VPS13B: variants seen among roughly 807,000 people sequenced by gnomAD.
VPS13B encodes the protein intermembrane lipid transfer protein VPS13B.
VPS13B carries 285 observed loss-of-function variants against 426.4 expected under a neutral mutation model. That is an observed-to-expected ratio of 0.67 (90% CI 0.61 to 0.74). The LOEUF (loss-of-function observed/expected upper bound fraction) is 0.74. VPS13B is among the 30% of genes least tolerant of loss of function. The pLI, the probability that VPS13B is intolerant of heterozygous loss-of-function variation, is 0.00. For synonymous variants in VPS13B, 1,676 were observed against 1,676.4 expected, an observed-to-expected ratio of 1.00 and a Z score of 0.01; for missense variants, 4,537 against 4,782.6, an observed-to-expected ratio of 0.95 and a Z score of 1.51.
intron 7 of VPS13B, among the ~76,000 whole-genome samples, chr8:99,117,753 C>G (rs990257376): frequency 6.6e-6 from 1 of 152,046 alleles, no homozygotes; most frequent in Admixed American, 6.6e-5. Flanking sequence ...TCTGTAGAGG[C>G]AGGAAGTAGA....
chr8:99,384,179 T>A, intron 19 of VPS13B, 29 bp from the exon 20 acceptor site: 1 of 1,563,816 alleles, frequency 6.4e-7, no homozygotes, highest in East Asian at 2.2e-5. Flanking sequence ...TGAGGACTTA[T>A]GTAACAGTTT....
Position 99,821,513 on chromosome 8 carries a change from A to G in VPS13B, c.9183+31A>G, listed in dbSNP as rs762724107. 18 of 1,612,254 alleles carry G rather than the reference A, an allele frequency of 1.1e-5. No individual in the cohort carries two copies. In the African/African-American group the frequency reaches 2.4e-4, roughly 22 times the overall value. Reference sequence around the variant, plus strand: ...ATCAAAGTCTATGTGGCTGGGAGGAAATAGCATGCCATCCCCTTAACCTGT... The same window carrying G: ...ATCAAAGTCTATGTGGCTGGGAGGAGATAGCATGCCATCCCCTTAACCTGT... On this transcript the variant is annotated intron_variant, in intron 50 of 61. Coordinates refer to ENST00000357162, the MANE Select transcript of VPS13B (RefSeq NM_152564.5).
At chr8:99,459,454 T>C (rs1192337818) in intron 23 of VPS13B, among the ~76,000 whole-genome samples, 1 of 152,174 alleles carries the variant, frequency 6.6e-6, no homozygotes, top group African/African-American at 2.4e-5. Flanking sequence ...AATTTCCTTG[T>C]TGTGCAAACA....
chr8:99,770,738 A>G (rs1438495271), intron 40 of VPS13B, among the ~76,000 whole-genome samples: 1 of 152,204 alleles, frequency 6.6e-6, no homozygotes, highest in Non-Finnish European at 1.5e-5. Flanking sequence ...GGTACCTCCC[A>G]CTGACTGAAT....
At chr8:99,486,861 G>A (rs953712298) in intron 25 of VPS13B, among the ~76,000 whole-genome samples, 1 of 151,964 alleles carries the variant, frequency 6.6e-6, no homozygotes, top group African/African-American at 2.4e-5. Context: ...TTCAAGTTTT[G>A]CTATCGTATT....
chr8:99,396,470 A>G (rs1374685776), intron 21 of VPS13B, among the ~76,000 whole-genome samples: 2 of 152,226 alleles, frequency 1.3e-5, no homozygotes, highest in Non-Finnish European at 2.9e-5. Flanking sequence ...CTGCCAGAGT[A>G]TAGGCACTTT....
At chr8:99,653,894 A>C (rs1456306513) in intron 34 of VPS13B, among the ~76,000 whole-genome samples, 1 of 152,102 alleles carries the variant, frequency 6.6e-6, no homozygotes, top group East Asian at 1.9e-4. Context: ...ATCGCAGAGC[A>C]TGTGAAATAC....
chr8:99,203,917 GA>G (rs1268101790), intron 17 of VPS13B, among the ~76,000 whole-genome samples: 1 of 152,146 alleles, frequency 6.6e-6, no homozygotes, highest in East Asian at 1.9e-4. Flanking sequence ...TCAATATCGT[GA>G]AAATGGCCAT....
At chr8:99,381,493 A>G (rs1333269660) in intron 19 of VPS13B, among the ~76,000 whole-genome samples, 2 of 152,180 alleles carry the variant, frequency 1.3e-5, no homozygotes, top group Non-Finnish European at 2.9e-5. Flanking sequence ...TGTTTTCCAC[A>G]ATGGTTGAAC....
In VPS13B at chr8:99,727,809, T is replaced by C. The variant is rs112258406; in HGVS notation, c.7050+6762T>C. On this transcript the variant is annotated intron_variant, in intron 39 of 61. Coordinates refer to ENST00000357162, the MANE Select transcript of VPS13B (RefSeq NM_152564.5). ...TCCTTTAGGAAGATGACTAGTCAGC[T>C]CTGGAGCCCAGGAGGGTCACAGAAA... Among the ~76,000 whole-genome samples the C allele has an allele frequency of 3.8e-3, 581 of 152,318 alleles. 5 individuals are homozygous for C. Among genetic ancestry groups the C allele is most frequent in the African/African-American group, 0.012 (517 of 41,570 alleles).
intron 56 of VPS13B, among the ~76,000 whole-genome samples, chr8:99,854,697 C>A (rs1212607969): frequency 1.3e-5 from 2 of 152,166 alleles, no homozygotes; most frequent in Non-Finnish European, 2.9e-5. Context: ...GGTCTTCAGT[C>A]CCTCGGCCTA....
intron 19 of VPS13B, among the ~76,000 whole-genome samples, chr8:99,352,153 T>C (rs1210328945): frequency 6.6e-6 from 1 of 152,252 alleles, no homozygotes; most frequent in Non-Finnish European, 1.5e-5. Context: ...GGAAATAGAG[T>C]GGAAGCTACC....
At chr8:99,058,150 T>C (rs530648996) in intron 3 of VPS13B, among the ~76,000 whole-genome samples, 21 of 152,190 alleles carry the variant, frequency 1.4e-4, no homozygotes, top group African/African-American at 3.9e-4. Flanking sequence ...ATGATTTACT[T>C]TTTTCACCCT....
At chr8:99,295,563 A>G (rs1819987543) in intron 19 of VPS13B, among the ~76,000 whole-genome samples, 1 of 152,210 alleles carries the variant, frequency 6.6e-6, no homozygotes, top group African/African-American at 2.4e-5. Context: ...GGACTACCTT[A>G]AATATTCTCA....
rs369450075 is a variant in VPS13B at position 99,397,279 on chromosome 8, G to T, written c.3082+5575G>T. Among the ~76,000 whole-genome samples the T allele has an allele frequency of 6.8e-4, 104 of 152,202 alleles. 1 individual carries two copies. The South Asian group carries it at 0.022, about 32-fold the overall frequency. ...TCCTGCCTCAGCCTCTTGAGTAGCT[G>T]GGACTACAGGCACGTGCCACATGCC... is the stretch of plus-strand genomic sequence containing the variant. On this transcript the variant is annotated intron_variant, in intron 21 of 61. Coordinates refer to ENST00000357162, the MANE Select transcript of VPS13B (RefSeq NM_152564.5).
At chr8:99,347,932 T>A (rs1305973927) in intron 19 of VPS13B, 1 of 152,396 alleles carries the variant, frequency 6.6e-6, no homozygotes, top group Non-Finnish European at 1.5e-5. Context: ...ACCTTTCTTT[T>A]CCCTGAGCTG....
At chr8:99,773,823 G>A (rs989545910) in intron 40 of VPS13B, among the ~76,000 whole-genome samples, 1 of 151,998 alleles carries the variant, frequency 6.6e-6, no homozygotes, top group Non-Finnish European at 1.5e-5. Flanking sequence ...TGGGAAAAGG[G>A]GAAATATTGA....
chr8:99,457,760 A>G (rs1818567023), intron 23 of VPS13B, among the ~76,000 whole-genome samples: 1 of 152,152 alleles, frequency 6.6e-6, no homozygotes, highest in African/African-American at 2.4e-5. Flanking sequence ...CTGAAGCTGC[A>G]TCCCAGAAAT....
In VPS13B at chr8:99,391,644, C is replaced by T. The variant is rs567092790; in HGVS notation, c.3022C>T (p.Gln1008Ter). 6.8e-6 allele frequency: 11 copies of T among 1,614,170 alleles called. No homozygotes were observed. Among genetic ancestry groups the T allele is most frequent in the African/African-American group, 2.7e-5 (2 of 75,062 alleles). ...VSIGSAPLAK[Q>*]QSYQASEYAS... Reference sequence around the variant, plus strand: ...TATTGGAAGTGCCCCCTTGGCAAAGCAGCAATCATATCAGGCCTCTGAATA... The same window carrying T: ...TATTGGAAGTGCCCCCTTGGCAAAGTAGCAATCATATCAGGCCTCTGAATA... Residue 1008 changes from glutamine to a stop codon, truncating the protein, a stop_gained, in exon 21 of 62, where the codon CAG becomes TAG. Transcript: ENST00000357162. LOFTEE classifies it high-confidence loss of function.
Sources: allele counts gnomAD v4.1 joint callset (sites outside exome capture counted in the v4.1 genomes callset), GRCh38; gene constraint gnomAD v4.1.1; transcripts MANE v1.5; gene names NCBI Gene and HGNC (gene_info 2026-07-23, HGNC 2026-07-21).